Variants in MAPKAP1 observed in about 807,000 individuals in gnomAD.
MAPKAP1 encodes the protein target of rapamycin complex 2 subunit MAPKAP1.
MAPKAP1 carries 20 observed loss-of-function variants against 65.7 expected under a neutral mutation model. That is an observed-to-expected ratio of 0.30 (90% CI 0.21 to 0.44). The LOEUF (loss-of-function observed/expected upper bound fraction) is 0.44, where lower values mean the gene tolerates loss of function less well. Among genes scored for constraint, MAPKAP1 ranks in the 20% least tolerant of loss-of-function variants. MAPKAP1 has a pLI of 1.00. For synonymous variants in MAPKAP1, 222 were observed against 244.3 expected, an observed-to-expected ratio of 0.91 and a Z score of 0.85; for missense variants, 423 against 648.0, an observed-to-expected ratio of 0.65 and a Z score of 3.77.
intron 1 of MAPKAP1, among the ~76,000 whole-genome samples, chr9:125,677,927 T>G (rs1287466226): frequency 1.3e-5 from 2 of 152,168 alleles, no homozygotes; most frequent in African/African-American, 2.4e-5. Context: ...AATTTTTTTT[T>G]TCTTTTTGAG....
rs375290028 is a variant in MAPKAP1 at position 125,693,836 on chromosome 9, T to TACACACACACACACAC, written c.-70+13134_-70+13135insGTGTGTGTGTGTGTGT. Among the ~76,000 whole-genome samples, 328 of 119,454 alleles carry TACACACACACACACAC rather than the reference T, an allele frequency of 2.7e-3. 6 individuals are homozygous for TACACACACACACACAC. Among genetic ancestry groups the TACACACACACACACAC allele is most frequent in the Admixed American group, 2.9e-3 (37 of 12,822 alleles). 78.4% of individuals were successfully genotyped at this position (119,454 alleles called of 152,430 possible). A position where few individuals can be genotyped will look rare whatever the true frequency, so the allele number is the denominator to read the frequency against. ...ACACATATACACACACACACATATA[T>TACACACACACACACAC]ATACACACATACACACACACACACA... On this transcript the variant is annotated intron_variant, in intron 1 of 11. Transcript: ENST00000265960.
chr9:125,649,982 C>CAGGG (rs973172261), intron 4 of MAPKAP1, among the ~76,000 whole-genome samples: 2 of 152,140 alleles, frequency 1.3e-5, no homozygotes, highest in African/African-American at 4.8e-5. Context: ...CTTCCTAACT[C>CAGGG]AGGGATGGTT....
At chr9:125,673,371 GA>G (rs776700298) in intron 1 of MAPKAP1, among the ~76,000 whole-genome samples, 2 of 152,062 alleles carry the variant, frequency 1.3e-5, no homozygotes, top group Non-Finnish European at 2.9e-5. Flanking sequence ...GGATTACAGG[GA>G]TGCGCCACCA....
At chr9:125,622,999 T>G (rs906535198) in intron 4 of MAPKAP1, among the ~76,000 whole-genome samples, 2 of 151,994 alleles carry the variant, frequency 1.3e-5, no homozygotes, top group Admixed American at 6.5e-5. Flanking sequence ...GGTTTCGCTG[T>G]GTTGGCCGGG....
intron 7 of MAPKAP1, among the ~76,000 whole-genome samples, chr9:125,512,374 A>C (rs1829326468): frequency 6.6e-6 from 1 of 152,188 alleles, no homozygotes; most frequent in Admixed American, 6.5e-5. Flanking sequence ...ATCTTTAGAA[A>C]GTTTAACATA....
At chr9:125,522,811 T>C (rs765588101) in intron 7 of MAPKAP1, among the ~76,000 whole-genome samples, 1 of 152,216 alleles carries the variant, frequency 6.6e-6, no homozygotes, top group Non-Finnish European at 1.5e-5. Context: ...CCTAATTTCT[T>C]GTCCATCTAT....
At position 125,447,621 on chromosome 9, in the gene MAPKAP1, G is replaced by A; in HGVS notation, c.1346-3023C>T. Reference sequence around the variant, plus strand: ...GTTTCGCTGGGCGGCCAGAAGGGCAGTTTTCCTCAGTCTGGGCTCTGCCAG... The same window carrying A: ...GTTTCGCTGGGCGGCCAGAAGGGCAATTTTCCTCAGTCTGGGCTCTGCCAG... On this transcript the variant is annotated intron_variant, in intron 10 of 11. Coordinates refer to ENST00000265960, the MANE Select transcript of MAPKAP1 (RefSeq NM_001006617.3). This position sits in a 1 kb window ranked among gnomAD's most constrained non-coding sequence, Gnocchi z 4.5. 2.5e-6 allele frequency: 1 copy of A among 401,792 alleles called. No individual in the cohort carries two copies. The highest frequency in any genetic ancestry group is 5.0e-6 in the Non-Finnish European group (1 of 198,254). The allele number at this position is 401,792 out of a possible 1,614,324, so 24.9% of individuals were successfully genotyped here. A position where few individuals can be genotyped will look rare whatever the true frequency, so the allele number is the denominator to read the frequency against.
intron 1 of MAPKAP1, among the ~76,000 whole-genome samples, chr9:125,678,773 TCAC>T (rs1456468019): frequency 6.6e-6 from 1 of 152,150 alleles, no homozygotes; most frequent in Non-Finnish European, 1.5e-5. Flanking sequence ...TTGATGGGCA[TCAC>T]GTCTTAATAT....
chr9:125,497,718 G>C lies in MAPKAP1; in HGVS notation c.1066+8592C>G, dbSNP rs537959667. ...CCTGATTCTAATGACTGTGCTTTAA[G>C]CACTGTGAATGACAGACTAGTCAGG... On this transcript the variant is annotated intron_variant, in intron 8 of 11. Transcript: ENST00000265960. Among the ~76,000 whole-genome samples, 10 of 152,368 alleles carry C rather than the reference G, an allele frequency of 6.6e-5. No individual in the cohort carries two copies. In the South Asian group the frequency reaches 2.1e-3, roughly 32 times the overall value.
At chr9:125,440,304 T>C (rs566388494) in intron 11 of MAPKAP1, among the ~76,000 whole-genome samples, 6 of 152,192 alleles carry the variant, frequency 3.9e-5, no homozygotes, top group Admixed American at 6.5e-5. Context: ...ATGACAATAA[T>C]GTCATTTAGT....
chr9:125,669,822 T>C lies in MAPKAP1; in HGVS notation c.345A>G (p.Gln115=). ...ATTAAAATCATTTCCATTTACCTGA[T>C]TGCTTAGAATTTCTTTCTTTCCACT... ...NIQWKERNSK[Q]SAQELKSLFE... is the part of the protein sequence containing the mutation. The change falls in exon 3 of 12, where the codon CAA becomes CAG. Residue 115 remains glutamine (Q), a synonymous_variant. Transcript: ENST00000265960. 1 of 1,511,476 alleles carries C rather than the reference T, an allele frequency of 6.6e-7. No homozygotes were observed. Among genetic ancestry groups the C allele is most frequent in the South Asian group, 1.2e-5 (1 of 82,782 alleles). The allele number at this position is 1,511,476 out of a possible 1,614,324, so 93.6% of individuals were successfully genotyped here. A position where few individuals can be genotyped will look rare whatever the true frequency, so the allele number is the denominator to read the frequency against.
At chr9:125,663,227 T>G (rs1834239718) in intron 3 of MAPKAP1, among the ~76,000 whole-genome samples, 3 of 152,358 alleles carry the variant, frequency 2.0e-5, no homozygotes, top group Non-Finnish European at 4.4e-5. Context: ...CCGTGCTTAC[T>G]GTGCTCTAAC....
At chr9:125,612,711 C>T (rs1832638398) in intron 4 of MAPKAP1, among the ~76,000 whole-genome samples, 2 of 152,172 alleles carry the variant, frequency 1.3e-5, no homozygotes, top group South Asian at 4.1e-4. Context: ...GAGAACACTT[C>T]CACTGGGAGA....
intron 4 of MAPKAP1, among the ~76,000 whole-genome samples, chr9:125,641,903 A>G (rs1229532058): frequency 1.3e-5 from 2 of 152,168 alleles, no homozygotes; most frequent in East Asian, 1.9e-4. Context: ...ATGGTGGCGC[A>G]TGCCTGTAAT....
intron 4 of MAPKAP1, among the ~76,000 whole-genome samples, chr9:125,594,779 T>C (rs1832076684): frequency 6.6e-6 from 1 of 152,210 alleles, no homozygotes; most frequent in Non-Finnish European, 1.5e-5. Flanking sequence ...TCTTAGAGCC[T>C]AGAACACAGC....
At chr9:125,698,302 T>TATATATATAAA (rs1835476436) in intron 1 of MAPKAP1, among the ~76,000 whole-genome samples, 1 of 21,856 alleles carries the variant, frequency 4.6e-5, no homozygotes, top group African/African-American at 1.6e-4. Flanking sequence ...TATATATATA[T>TATATATATAAA]ATATATATAT....
intron 10 of MAPKAP1, among the ~76,000 whole-genome samples, chr9:125,457,390 T>G (rs1853224144): frequency 6.6e-6 from 1 of 152,252 alleles, no homozygotes; most frequent in African/African-American, 2.4e-5. Flanking sequence ...AGTTCTTCTT[T>G]TAAGTCCCTG....
intron 6 of MAPKAP1, among the ~76,000 whole-genome samples, chr9:125,555,630 C>T (rs879848680): frequency 7.9e-5 from 12 of 152,216 alleles, no homozygotes; most frequent in Non-Finnish European, 1.3e-4. Flanking sequence ...TCCTGGCAGC[C>T]CACAGACACC....
chr9:125,584,546 C>A (rs1470702571), intron 5 of MAPKAP1, among the ~76,000 whole-genome samples: 1 of 152,076 alleles, frequency 6.6e-6, no homozygotes, highest in Non-Finnish European at 1.5e-5. Flanking sequence ...CCTGCCTCAG[C>A]CTCCTGAGTA....
Sources: allele counts gnomAD v4.1 joint callset (sites outside exome capture counted in the v4.1 genomes callset), GRCh38; gene constraint gnomAD v4.1.1; non-coding constraint Gnocchi (gnomAD v3.1); transcripts MANE v1.5; gene names NCBI Gene and HGNC (gene_info 2026-07-23, HGNC 2026-07-21).